Variants in MACROD2 observed in about 807,000 individuals in gnomAD.
The protein encoded by MACROD2 is mono-ADP ribosylhydrolase 2, also known as ADP-ribose glycohydrolase MACROD2.
In MACROD2, 36 loss-of-function variants were observed where a neutral mutation model predicts 70.4. That is an observed-to-expected ratio of 0.51 (90% CI 0.39 to 0.68). MACROD2 has a LOEUF of 0.68. Among genes scored for constraint, MACROD2 ranks in the 30% least tolerant of loss-of-function variants. MACROD2 has a pLI of 0.00. For missense variants in MACROD2, 496 were observed against 538.4 expected (o/e 0.92, Z 0.78); for synonymous variants, 172 against 178.8 (o/e 0.96, Z 0.30).
chr20:14,525,358 A>G (rs1019584868), intron 4 of MACROD2, among the ~76,000 whole-genome samples: 3 of 152,184 alleles, frequency 2.0e-5, no homozygotes, highest in Non-Finnish European at 4.4e-5. Context: ...AGCAATGCTA[A>G]TGATAGTGAT....
At chr20:14,100,478 G>A (rs1317806123) in intron 3 of MACROD2, among the ~76,000 whole-genome samples, 3 of 149,308 alleles carry the variant, frequency 2.0e-5, no homozygotes, top group Non-Finnish European at 4.5e-5. Flanking sequence ...TAACACTGAT[G>A]CATGTTTATT....
intron 3 of MACROD2, among the ~76,000 whole-genome samples, chr20:14,319,499 C>A (rs1182093054): frequency 6.6e-6 from 1 of 152,044 alleles, no homozygotes; most frequent in Non-Finnish European, 1.5e-5. Context: ...CCAACAAGAC[C>A]CCTTCACCCT....
intron 5 of MACROD2, among the ~76,000 whole-genome samples, chr20:14,986,037 C>A (rs1342845007): frequency 2.0e-5 from 3 of 152,090 alleles, no homozygotes; most frequent in African/African-American, 2.4e-5. Flanking sequence ...TTGAAAATAA[C>A]CTTTGGATTT....
intron 5 of MACROD2, among the ~76,000 whole-genome samples, chr20:14,719,473 G>GAAAAAAAAAAAAAGAAAAAAAAAAAA (rs2071437623): frequency 1.5e-5 from 2 of 136,316 alleles, no homozygotes; most frequent in African/African-American, 2.7e-5. Flanking sequence ...AAGATAGAAA[G>GAAAAAAAAAAAAAGAAAAAAAAAAAA]AAAAAAAAAA....
intron 5 of MACROD2, among the ~76,000 whole-genome samples, chr20:15,189,624 G>T (rs1365923366): frequency 6.6e-6 from 1 of 152,118 alleles, no homozygotes; most frequent in Non-Finnish European, 1.5e-5. Flanking sequence ...CTCCCTGGCT[G>T]CACTTCGGTC....
At chr20:14,553,381 A>G (rs975162748) in intron 4 of MACROD2, among the ~76,000 whole-genome samples, 1 of 147,972 alleles carries the variant, frequency 6.8e-6, no homozygotes, top group Non-Finnish European at 1.5e-5. Context: ...CTCCTAAAGG[A>G]CCTGCCTGAG....
intron 5 of MACROD2, among the ~76,000 whole-genome samples, chr20:14,728,407 T>C (rs2071554820): frequency 6.6e-6 from 1 of 151,612 alleles, no homozygotes; most frequent in Non-Finnish European, 1.5e-5. Context: ...TCTTCTCATA[T>C]TGGTTCTAAG....
At chr20:15,711,292 C>T (rs571230627) in intron 8 of MACROD2, among the ~76,000 whole-genome samples, 1 of 152,220 alleles carries the variant, frequency 6.6e-6, no homozygotes, top group Admixed American at 6.5e-5. Context: ...GGAGGGAATG[C>T]CCAGTAATTT....
intron 5 of MACROD2, among the ~76,000 whole-genome samples, chr20:14,985,521 C>A (rs2122852335): frequency 6.6e-6 from 1 of 152,246 alleles, no homozygotes; most frequent in East Asian, 1.9e-4. Flanking sequence ...GTCCCAACAG[C>A]AGTGGACTCC....
intron 3 of MACROD2, among the ~76,000 whole-genome samples, chr20:14,485,407 A>G (rs960168508): frequency 3.3e-5 from 5 of 152,188 alleles, no homozygotes; most frequent in Non-Finnish European, 7.3e-5. Context: ...GCATATATTT[A>G]TAAGAACATG....
chr20:15,703,544 T>C (rs968714999), intron 8 of MACROD2, among the ~76,000 whole-genome samples: 2 of 152,248 alleles, frequency 1.3e-5, no homozygotes, highest in African/African-American at 4.8e-5. Flanking sequence ...TATTTGCTAC[T>C]AATATGAGTT....
At chr20:14,742,720 A>G (rs1264306047) in intron 5 of MACROD2, among the ~76,000 whole-genome samples, 1 of 151,966 alleles carries the variant, frequency 6.6e-6, no homozygotes, top group Admixed American at 6.6e-5. Flanking sequence ...CTCAAATATT[A>G]AAACTGCACC....
Position 15,390,646 on chromosome 20 carries a change from C to T in MACROD2, c.541-40759C>T, listed in dbSNP as rs79202422. Among the ~76,000 whole-genome samples the T allele has an allele frequency of 5.5e-3, 830 of 152,166 alleles. 14 individuals are homozygous for T. The highest frequency in any genetic ancestry group is 0.042 in the East Asian group (215 of 5,170). Reference sequence around the variant, plus strand: ...CTATCCATTACAGAAAGCTAAAGAACTTAGCTTCCATTTTGGGGGGAAAAT... The same window carrying T: ...CTATCCATTACAGAAAGCTAAAGAATTTAGCTTCCATTTTGGGGGGAAAAT... On this transcript the variant is annotated intron_variant, in intron 6 of 17. Coordinates refer to ENST00000684519, the MANE Select transcript of MACROD2 (RefSeq NM_001351661.2).
intron 3 of MACROD2, among the ~76,000 whole-genome samples, chr20:14,124,513 A>G (rs2054622393): frequency 1.3e-5 from 2 of 152,186 alleles, no homozygotes; most frequent in African/African-American, 2.4e-5. Flanking sequence ...ACTTGGTACA[A>G]TTGTTAGGCA....
In MACROD2 at chr20:14,262,868, G is replaced by A. The variant is rs573649188; in HGVS notation, c.271+177140G>A. On this transcript the variant is annotated intron_variant, in intron 3 of 17. Transcript: ENST00000684519. Reference sequence around the variant, plus strand: ...GAATAGAGTGAGGAGGTAGGCCAAGGTATGATTGTAGTGGATTGAAGAGTA... The same window carrying A: ...GAATAGAGTGAGGAGGTAGGCCAAGATATGATTGTAGTGGATTGAAGAGTA... 5.3e-5 allele frequency among the ~76,000 whole-genome samples: 8 copies of A among 152,288 alleles called. No individual in the cohort carries two copies. In the South Asian group the frequency reaches 1.4e-3, roughly 28 times the overall value.
intron 5 of MACROD2, among the ~76,000 whole-genome samples, chr20:15,157,586 C>T (rs2076318338): frequency 6.6e-6 from 1 of 152,060 alleles, no homozygotes; most frequent in Non-Finnish European, 1.5e-5. Flanking sequence ...TGTTCTCTTT[C>T]TATAAGCTCA....
intron 5 of MACROD2, among the ~76,000 whole-genome samples, chr20:14,956,445 A>C (rs2074537703): frequency 6.6e-6 from 1 of 152,186 alleles, no homozygotes; most frequent in Non-Finnish European, 1.5e-5. Flanking sequence ...GATAAAATAG[A>C]GTGGAATTTT....
intron 5 of MACROD2, among the ~76,000 whole-genome samples, chr20:15,019,988 G>A (rs1041227662): frequency 1.1e-4 from 16 of 152,080 alleles, no homozygotes; most frequent in Admixed American, 3.9e-4. Flanking sequence ...TCATTTTTGG[G>A]TGGGTAACAT....
At chr20:15,825,785 G>C (rs1365900634) in intron 8 of MACROD2, among the ~76,000 whole-genome samples, 1 of 152,044 alleles carries the variant, frequency 6.6e-6, no homozygotes, top group Non-Finnish European at 1.5e-5. Context: ...TTGCTTTCTT[G>C]GTGTTGGAAT....
Sources: gnomAD v4.1 joint callset for allele counts (sites outside exome capture counted in the v4.1 genomes callset) on GRCh38, gnomAD v4.1.1 for gene constraint, MANE v1.5 for transcripts, NCBI Gene and HGNC (gene_info 2026-07-23, HGNC 2026-07-21) for gene names.